The following TAB2 variants were observed in gnomAD, a reference collection of about 807,000 sequenced individuals.
TAB2 encodes TGF-beta-activated kinase 1 and MAP3K7-binding protein 2.
In TAB2, 3 loss-of-function variants were observed where a neutral mutation model predicts 65.0. The observed-to-expected ratio is 0.05, with a 90% confidence interval of 0.02 to 0.12. The LOEUF (loss-of-function observed/expected upper bound fraction) is 0.12, where lower values mean the gene tolerates loss of function less well. Among genes scored for constraint, TAB2 ranks in the 10% least tolerant of loss-of-function variants. TAB2 has a pLI of 1.00. For missense variants in TAB2, 623 were observed against 840.3 expected (o/e 0.74, Z 3.20); for synonymous variants, 298 against 285.1 (o/e 1.05, Z -0.46).
In TAB2 at chr6:149,378,773, A is replaced by G. The variant is rs144874468; in HGVS notation, c.858A>G (p.Pro286=). The change falls in exon 3 of 7, where the codon CCA becomes CCG. Residue 286 remains proline (P), a synonymous_variant. Transcript: ENST00000637181. Reference sequence around the variant, plus strand: ...ACCAGACCTCTCATGTCTACATGCCAATCAGTTCACCTACTACTTCACAAC... The same window carrying G: ...ACCAGACCTCTCATGTCTACATGCCGATCAGTTCACCTACTACTTCACAAC... ...QGHQTSHVYM[P]ISSPTTSQPP... 72 of 1,614,038 alleles carry G rather than the reference A, an allele frequency of 4.5e-5. No homozygotes were observed. The highest frequency in any genetic ancestry group is 5.9e-5 in the Non-Finnish European group (70 of 1,180,022).
chr6:149,250,729 C>T (rs950843757), intron 1 of TAB2, among the ~76,000 whole-genome samples: 3 of 152,134 alleles, frequency 2.0e-5, no homozygotes, highest in East Asian at 3.8e-4. Context: ...GGCAGCACAC[C>T]GGCTATTTTT....
In TAB2 at chr6:149,331,599, C is replaced by T. The variant is rs118170645; in HGVS notation, c.-90+13584C>T. Reference sequence around the variant, plus strand: ...CATAATAGTGGTGGGAGCTGACAAGCTTGTTTCTGATCTTAGTGGAAAAGC... The same window carrying T: ...CATAATAGTGGTGGGAGCTGACAAGTTTGTTTCTGATCTTAGTGGAAAAGC... On this transcript the variant is annotated intron_variant, in intron 1 of 6. Coordinates refer to ENST00000637181, the MANE Select transcript of TAB2 (RefSeq NM_001292034.3). 5.5e-3 allele frequency among the ~76,000 whole-genome samples: 844 copies of T among 152,170 alleles called. 7 individuals are homozygous for T. The highest frequency in any genetic ancestry group is 8.0e-3 in the Non-Finnish European group (546 of 67,986).
intron 3 of TAB2, among the ~76,000 whole-genome samples, chr6:149,383,026 G>A (rs917600414): frequency 2.0e-5 from 3 of 151,774 alleles, no homozygotes; most frequent in African/African-American, 7.3e-5. Context: ...GTGGTGGCGT[G>A]CACCTGTAGT....
chr6:149,403,369 C>CACAT (rs1554265477), intron 6 of TAB2, among the ~76,000 whole-genome samples: 53 of 127,138 alleles, frequency 4.2e-4, no homozygotes, highest in Non-Finnish European at 8.0e-4. Context: ...CACACACACA[C>CACAT]ACACATACAC....
At position 149,378,034 on chromosome 6, in the gene TAB2, A is replaced by T. The variant is rs1781462536; in HGVS notation, c.119A>T (p.Asp40Val). The T allele has an allele frequency of 1.2e-6, 2 of 1,613,842 alleles. No homozygotes were observed. The highest frequency in any genetic ancestry group is 1.3e-5 in the African/African-American group (1 of 74,930). ...TTTTCATAGAATAATAATAACCTGG[A>T]TGCCTGCTGTGCTGTTCTCTCTCAG... ...RCMLQNNNNL[D>V]ACCAVLSQES... Residue 40 changes from aspartate (D) to valine (V), a missense_variant, in exon 3 of 7, where the codon GAT becomes GTT. Around this residue, in one of 3 missense-constraint regions of TAB2, gnomAD observed 550 missense variants for 665.7 expected, o/e 0.83. Transcript: ENST00000637181.
intron 1 of TAB2, among the ~76,000 whole-genome samples, chr6:149,282,119 T>C (rs1778587469): frequency 6.6e-6 from 1 of 151,952 alleles, no homozygotes. Context: ...TGAGCCAAGA[T>C]TGCACCACTG....
rs554794065 is a variant in TAB2 at position 149,306,567 on chromosome 6, A to C, written c.-120-71451A>C. ...AGCAAGACTCCGTCTCAAAAAAAAA[A>C]AAAAAACAAAAAACAAAAAAAAACA... On this transcript the variant is annotated intron_variant, in intron 1 of 1. Transcript: ENST00000606202. Among the ~76,000 whole-genome samples the C allele has an allele frequency of 4.6e-3, 694 of 151,062 alleles. 3 individuals are homozygous for C. The highest frequency in any genetic ancestry group is 0.014 in the African/African-American group (595 of 41,044).
Position 149,378,822 on chromosome 6 carries a change from A to G in TAB2, c.907A>G (p.Ser303Gly). ...SQPPTIHSSG[S>G]SQSSAHSQYN... is the part of the protein sequence containing the mutation. Reference sequence around the variant, plus strand: ...ACCACCAACCATTCATTCATCTGGTAGCTCACAGTCTTCTGCCCATAGCCA... The same window carrying G: ...ACCACCAACCATTCATTCATCTGGTGGCTCACAGTCTTCTGCCCATAGCCA... The change falls in exon 3 of 7, where the codon AGC (serine) becomes GGC (glycine). Residue 303 changes from serine (S) to glycine (G), a missense_variant. By Grantham distance (56) the Ser-to-Gly change is moderately conservative. Coordinates refer to ENST00000637181, the MANE Select transcript of TAB2 (RefSeq NM_001292034.3). 2.5e-6 allele frequency: 4 copies of G among 1,614,226 alleles called. No individual in the cohort carries two copies. The highest frequency in any genetic ancestry group is 3.4e-6 in the Non-Finnish European group (4 of 1,180,040).
At chr6:149,265,862 T>C (rs1317925302) in intron 1 of TAB2, among the ~76,000 whole-genome samples, 1 of 152,130 alleles carries the variant, frequency 6.6e-6, no homozygotes, top group Non-Finnish European at 1.5e-5. Context: ...CCCACATAAA[T>C]TCTCTTCTCC....
At chr6:149,392,829 C>T (rs1213167138) in intron 3 of TAB2, among the ~76,000 whole-genome samples, 1 of 152,146 alleles carries the variant, frequency 6.6e-6, no homozygotes, top group African/African-American at 2.4e-5. Context: ...AAAAGTGTCT[C>T]TGCTGTTTAA....
At position 149,370,084 on chromosome 6, in the gene TAB2, C is replaced by A; in HGVS notation, c.87C>A (p.Ser29=). ...KFPEVPEVVV[S]RCMLQNNNNL... ...CTGAAGTACCTGAAGTTGTTGTATC[C>A]AGGTGCATGTTACAGGTCAGTGTTC... Residue 29 remains serine (S), a synonymous_variant, in exon 2 of 7, where the codon TCC becomes TCA. Transcript: ENST00000637181. 4.3e-6 allele frequency: 7 copies of A among 1,613,824 alleles called. No individual in the cohort carries two copies. The highest frequency in any genetic ancestry group is 5.9e-6 in the Non-Finnish European group (7 of 1,179,802).
rs1441097324 is a variant in TAB2, at chr6:149,254,122, AG to A, written c.-121+35349del. 5.4e-3 allele frequency among the ~76,000 whole-genome samples: 762 copies of A among 140,182 alleles called. 7 individuals carry two copies. Among genetic ancestry groups the A allele is most frequent in the Non-Finnish European group, 7.4e-3 (474 of 64,484 alleles). 92.0% of individuals were successfully genotyped at this position (140,182 alleles called of 152,430 possible). A position where few individuals can be genotyped will look rare whatever the true frequency, so the allele number is the denominator to read the frequency against. The stretch of plus-strand genomic sequence containing the variant: ...GGAAGGAAGGAAGGAAGGACAGGGA[AG>A]GGAAGGGAAAGGAAAGGAAAGGAAA... On this transcript the variant is annotated intron_variant, in intron 1 of 1. Coordinates refer to the TAB2 transcript ENST00000606202.
rs952835617 is a variant in TAB2, at chr6:149,248,498, GAA to G, written c.-121+29724_-121+29725del. Among the ~76,000 whole-genome samples the G allele has an allele frequency of 1.1e-4, 15 of 140,082 alleles. No individual in the cohort carries two copies. The South Asian group carries it at 1.6e-3, about 15-fold the overall frequency. The allele number at this position is 140,082 out of a possible 152,430, so 91.9% of individuals were successfully genotyped here. A position where few individuals can be genotyped will look rare whatever the true frequency, so the allele number is the denominator to read the frequency against. On this transcript the variant is annotated intron_variant, in intron 1 of 1. Coordinates refer to the TAB2 transcript ENST00000606202. ...AAAGAAAGAAAGAGAGAGAGAGAGA[GAA>G]AGAGAGAAAGAAAGAAAAGCATTCT... is the stretch of plus-strand genomic sequence containing the variant.
At chr6:149,220,129 G>C (rs545392586) in intron 1 of TAB2, among the ~76,000 whole-genome samples, 12 of 152,142 alleles carry the variant, frequency 7.9e-5, no homozygotes, top group Non-Finnish European at 1.8e-4. Flanking sequence ...AGAAGACAGC[G>C]TATGGGTTCT....
chr6:149,269,617 T>G (rs994579436), intron 1 of TAB2, among the ~76,000 whole-genome samples: 1 of 152,186 alleles, frequency 6.6e-6, no homozygotes, highest in Non-Finnish European at 1.5e-5. Flanking sequence ...CCCCAGCCCC[T>G]GGCAACCATT....
Position 149,397,772 on chromosome 6 carries a change from T to C in TAB2, c.1764+8T>C, listed in dbSNP as rs1395671746. On this transcript the variant is annotated splice_region_variant and intron_variant, in intron 4 of 6. Coordinates refer to ENST00000637181, the MANE Select transcript of TAB2 (RefSeq NM_001292034.3). ...ATATCCCAGATACCTTCCGTAAGTC[T>C]TTATGTAACTGTTGTGATCTCTGCT... The C allele has an allele frequency of 1.2e-6, 2 of 1,612,514 alleles. No individual in the cohort carries two copies. The highest frequency in any genetic ancestry group is 1.3e-5 in the African/African-American group (1 of 75,024).
At chr6:149,358,332 A>C (rs755223479) in intron 1 of TAB2, among the ~76,000 whole-genome samples, 1 of 152,200 alleles carries the variant, frequency 6.6e-6, no homozygotes, top group Admixed American at 6.5e-5. Context: ...ATTATTCTGC[A>C]CATGAAGCAA....
At chr6:149,281,095 A>ATTTTCC (rs1562398894) in intron 1 of TAB2, among the ~76,000 whole-genome samples, 3,198 of 152,230 alleles carry the variant, frequency 0.021, 132 homozygotes, top group African/African-American at 0.072. Flanking sequence ...ACGGGTAAAT[A>ATTTTCC]TATAGGATTT....
intron 1 of TAB2, among the ~76,000 whole-genome samples, chr6:149,299,667 A>G (rs1778937076): frequency 6.6e-6 from 1 of 152,188 alleles, no homozygotes; most frequent in Admixed American, 6.5e-5. Flanking sequence ...TCCTGTACTC[A>G]AGTATTTATT....
Sources: gnomAD v4.1 joint callset for allele counts (sites outside exome capture counted in the v4.1 genomes callset) on GRCh38, gnomAD v4.1.1 for gene constraint, gnomAD v4.1.1 regional missense constraint, MANE v1.5 for transcripts, NCBI Gene and HGNC (gene_info 2026-07-23, HGNC 2026-07-21) for gene names.